TATDN1: variants seen among roughly 807,000 people sequenced by gnomAD.
TATDN1 encodes the protein deoxyribonuclease TATDN1.
Under a neutral mutation model 46.4 loss-of-function variants are expected in TATDN1, and 40 were observed. That is an observed-to-expected ratio of 0.86 (90% CI 0.67 to 1.12). TATDN1 has a LOEUF of 1.12. Ranked by LOEUF, TATDN1 falls within the 50% of genes most tolerant of loss-of-function variation. The probability of loss-of-function intolerance (pLI) is 0.00; values close to 1 mark genes in which losing one functional copy is unlikely to be tolerated. For synonymous variants in TATDN1, 95 were observed against 105.6 expected (o/e 0.90, Z 0.62); for missense variants, 326 against 348.4 (o/e 0.94, Z 0.51).
At chr8:124,489,499 T>TGCC (rs1816755298) in intron 11 of TATDN1, 1 of 152,218 alleles carries the variant, frequency 6.6e-6, no homozygotes. Context: ...CTGCAACCTC[T>TGCC]GCCGCCTGGG....
chr8:124,505,307 C>A (rs1381489839), intron 8 of TATDN1, among the ~76,000 whole-genome samples: 1 of 151,496 alleles, frequency 6.6e-6, no homozygotes, highest in Non-Finnish European at 1.5e-5. Context: ...TTGCTTGAAC[C>A]TGGAAGGCGG....
intron 1 of TATDN1, among the ~76,000 whole-genome samples, chr8:124,534,631 G>T (rs1821278817): frequency 6.6e-6 from 1 of 152,078 alleles, no homozygotes; most frequent in Admixed American, 6.5e-5. Context: ...GGTATGTGTG[G>T]GGTTTCCTCT....
chr8:124,530,929 GATT>G (rs1156360270), intron 1 of TATDN1, among the ~76,000 whole-genome samples: 1 of 152,128 alleles, frequency 6.6e-6, no homozygotes, highest in African/African-American at 2.4e-5. Context: ...CAACTTCCAA[GATT>G]CAGCAAGGGT....
chr8:124,506,756 C>A (rs193239627), intron 8 of TATDN1, among the ~76,000 whole-genome samples: 213 of 152,254 alleles, frequency 1.4e-3, no homozygotes, highest in Non-Finnish European at 2.5e-3. Context: ...GATTACAGTT[C>A]TTTTGCTAGA....
At position 124,523,005 on chromosome 8, in the gene TATDN1, G is replaced by T. The variant is rs370976030; in HGVS notation, c.23-3C>A. On this transcript the variant is annotated splice_polypyrimidine_tract_variant and splice_region_variant and intron_variant, in intron 1 of 11. Coordinates refer to ENST00000276692, the MANE Select transcript of TATDN1 (RefSeq NM_032026.4). Reference sequence around the variant, plus strand: ...GTCAGTCAAGTTGATACCAATATCTGTAGAAAGCAAAAGTCACTGATTAAT... The same window carrying T: ...GTCAGTCAAGTTGATACCAATATCTTTAGAAAGCAAAAGTCACTGATTAAT... 3.7e-6 allele frequency: 6 copies of T among 1,611,262 alleles called. No homozygotes were observed. The highest frequency in any genetic ancestry group is 4.2e-6 in the Non-Finnish European group (5 of 1,178,400).
intron 3 of TATDN1, among the ~76,000 whole-genome samples, chr8:124,521,352 T>A (rs1190924744): frequency 6.6e-6 from 1 of 152,210 alleles, no homozygotes; most frequent in Admixed American, 6.5e-5. Flanking sequence ...AGATTACTCA[T>A]GGCTAACACA....
At chr8:124,538,227 C>G (rs1179612642) in intron 1 of TATDN1, 1 of 152,332 alleles carries the variant, frequency 6.6e-6, no homozygotes, top group Non-Finnish European at 1.5e-5. Context: ...GCACACATCT[C>G]TTCCATTTCT....
chr8:124,525,573 C>T (rs558738125), intron 1 of TATDN1, among the ~76,000 whole-genome samples: 98 of 152,298 alleles, frequency 6.4e-4, no homozygotes, highest in African/African-American at 2.0e-3. Context: ...CTTTCTCCTT[C>T]CAGCAACAAA....
chr8:124,533,813 C>T (rs749741131), intron 1 of TATDN1, among the ~76,000 whole-genome samples: 1 of 151,898 alleles, frequency 6.6e-6, no homozygotes, highest in African/African-American at 2.4e-5. Flanking sequence ...TTCACAGGCA[C>T]AACCAGCACA....
chr8:124,524,069 G>C (rs1414555774), intron 1 of TATDN1, among the ~76,000 whole-genome samples: 1 of 152,154 alleles, frequency 6.6e-6, no homozygotes, highest in Non-Finnish European at 1.5e-5. Context: ...ATTACCAACA[G>C]ACTCCCTACA....
chr8:124,520,645 T>G (rs988420909), intron 3 of TATDN1, among the ~76,000 whole-genome samples: 2 of 150,740 alleles, frequency 1.3e-5, no homozygotes, highest in African/African-American at 4.9e-5. Flanking sequence ...TCCCAGTGTA[T>G]AAAATAACGA....
At chr8:124,523,208 G>A (rs1166175683) in intron 1 of TATDN1, 3 of 552,652 alleles carry the variant, frequency 5.4e-6, no homozygotes, top group East Asian at 6.2e-5. Context: ...GAAACTCACC[G>A]CAGAACTGGT....
chr8:124,518,710 A>G lies in TATDN1; in HGVS notation c.202+108T>C, dbSNP rs539819694. On this transcript the variant is annotated intron_variant, in intron 4 of 11. Transcript: ENST00000276692. ...CCCATTTAAATCAGTCCATTTTCCT[A>G]TTGTTTCCAGTCATGATCCATTGTA... 1.3e-4 allele frequency: 98 copies of G among 772,618 alleles called. No homozygotes were observed. The East Asian group carries it at 2.3e-3, about 18-fold the overall frequency. 47.9% of individuals were successfully genotyped at this position (772,618 alleles called of 1,614,324 possible). A position where few individuals can be genotyped will look rare whatever the true frequency, so the allele number is the denominator to read the frequency against.
intron 9 of TATDN1, 58 bp from the exon 10 acceptor site, chr8:124,495,600 G>A (rs1218635213): frequency 2.0e-5 from 26 of 1,327,538 alleles, no homozygotes; most frequent in South Asian, 1.2e-4. Context: ...ACCTTTTTTC[G>A]TATCACAACT....
At chr8:124,503,658 A>G (rs1333676370) in intron 9 of TATDN1, among the ~76,000 whole-genome samples, 1 of 152,214 alleles carries the variant, frequency 6.6e-6, no homozygotes, top group Non-Finnish European at 1.5e-5. Flanking sequence ...AATAGGCTAC[A>G]CTGACATCCT....
At position 124,522,133 on chromosome 8, in the gene TATDN1, T is replaced by C; in HGVS notation, c.138+18A>G. The C allele has an allele frequency of 6.4e-7, 1 of 1,553,848 alleles. No homozygotes were observed. The highest frequency in any genetic ancestry group is 8.8e-7 in the Non-Finnish European group (1 of 1,140,576). On this transcript the variant is annotated intron_variant, in intron 3 of 11. Coordinates refer to ENST00000276692, the MANE Select transcript of TATDN1 (RefSeq NM_032026.4). The stretch of plus-strand genomic sequence containing the variant: ...AAATGAATTTTAAAAATCTCAAAAA[T>C]AACAAAATGGATGTTACCTTTTTAA...
intron 6 of TATDN1, among the ~76,000 whole-genome samples, chr8:124,515,406 C>T (rs1819376241): frequency 6.6e-6 from 1 of 151,994 alleles, no homozygotes; most frequent in East Asian, 1.9e-4. Flanking sequence ...AATCACATTC[C>T]CCAAAATAAT....
At chr8:124,515,451 T>C (rs1414281301) in intron 6 of TATDN1, among the ~76,000 whole-genome samples, 1 of 152,208 alleles carries the variant, frequency 6.6e-6, no homozygotes, top group African/African-American at 2.4e-5. Context: ...CACGTATGAA[T>C]GCGTCTGTTA....
At chr8:124,489,403 C>CTTTTTTTTTTTTT (rs11443180) in intron 11 of TATDN1, 9 of 146,734 alleles carry the variant, frequency 6.1e-5, no homozygotes, top group East Asian at 2.0e-4. Context: ...TCTTTCCTTT[C>CTTTTTTTTTTTTT]TTTTTTTTTT....
Sources: allele counts gnomAD v4.1 joint callset (sites outside exome capture counted in the v4.1 genomes callset), GRCh38; gene constraint gnomAD v4.1.1; transcripts MANE v1.5; gene names NCBI Gene and HGNC (gene_info 2026-07-23, HGNC 2026-07-21).